Variants in RSPH3 observed in about 807,000 individuals in gnomAD.
The protein encoded by RSPH3 is radial spoke head 3.
RSPH3 carries 21 observed loss-of-function variants against 43.8 expected under a neutral mutation model. The ratio of observed to expected loss-of-function variants is 0.48; its 90% CI spans 0.34 to 0.69. The LOEUF (loss-of-function observed/expected upper bound fraction) is 0.69, where lower values mean the gene tolerates loss of function less well. RSPH3 is among the 30% of genes least tolerant of loss of function. RSPH3 has a pLI of 0.01. For missense variants in RSPH3, 487 were observed against 516.0 expected (o/e 0.94, Z 0.54); for synonymous variants, 173 against 179.8 (o/e 0.96, Z 0.30).
chr6:158,984,940 G>C lies in RSPH3; in HGVS notation c.347-1133C>G, dbSNP rs570733202. ...CAGCCATACACTCATTCTAGACTTG[G>C]CCTAAAGGCAGGGGTTAAAGCATGG... is the stretch of plus-strand genomic sequence containing the variant. On this transcript the variant is annotated intron_variant, in intron 3 of 7. Coordinates refer to ENST00000367069, the MANE Select transcript of RSPH3 (RefSeq NM_031924.8). 1.5e-4 allele frequency among the ~76,000 whole-genome samples: 23 copies of C among 152,248 alleles called. No homozygotes were observed. The East Asian group carries it at 4.4e-3, about 29-fold the overall frequency.
intron 6 of RSPH3, among the ~76,000 whole-genome samples, chr6:158,979,919 T>A (rs1194269334): frequency 6.6e-6 from 1 of 152,192 alleles, no homozygotes; most frequent in Non-Finnish European, 1.5e-5. Context: ...ATGGGCTCCC[T>A]AGTGGCAGAG....
chr6:158,980,995 T>C, intron 5 of RSPH3, 59 bp from the exon 6 acceptor site: 1 of 1,529,218 alleles, frequency 6.5e-7, no homozygotes, highest in Non-Finnish European at 9.0e-7. Flanking sequence ...GTGCTGAATC[T>C]AGTGAAGTTA....
At chr6:158,994,313 G>C (rs1315154425) in intron 1 of RSPH3, among the ~76,000 whole-genome samples, 1 of 152,100 alleles carries the variant, frequency 6.6e-6, no homozygotes, top group Non-Finnish European at 1.5e-5. Flanking sequence ...CTTCTTTAAA[G>C]TACTGAAAAA....
rs1778013838 is a variant in RSPH3 at position 158,980,936 on chromosome 6, C to T, written c.697G>A (p.Glu233Lys). ...TCCCACTGCTGTTTCTTACGCCGTT[C>T]CTGCCAAGAACGACAGAGGTGGTTA... ...EQERRHREEK[E>K]RRKKQQWEIM... is the part of the protein sequence containing the mutation. The change falls in exon 6 of 8, where the codon GAA becomes AAA. Residue 233 changes from glutamate to lysine, a missense_variant and splice_region_variant. Coordinates refer to ENST00000367069, the MANE Select transcript of RSPH3 (RefSeq NM_031924.8). The T allele has an allele frequency of 6.2e-7, 1 of 1,613,868 alleles. No homozygotes were observed. The highest frequency in any genetic ancestry group is 8.5e-7 in the Non-Finnish European group (1 of 1,179,836).
At position 158,973,178 on chromosome 6, in the gene RSPH3, A is replaced by G. The variant is rs186045091; in HGVS notation, c.*4360T>C. The G allele has an allele frequency of 2.6e-5, 4 of 152,344 alleles. 2 individuals are homozygous for G. Among genetic ancestry groups the G allele is most frequent in the Admixed American group, 2.6e-4 (4 of 15,304 alleles). The allele number at this position is 152,344 out of a possible 1,614,324, so 9.4% of individuals were successfully genotyped here. Reference sequence around the variant, plus strand: ...TTATGCTAAATAAATTAAATGAAGTAAACAGCCATGGCTATTGAACTACAG... The same window carrying G: ...TTATGCTAAATAAATTAAATGAAGTGAACAGCCATGGCTATTGAACTACAG... On this transcript the variant is annotated 3_prime_UTR_variant, in exon 8 of 8. Transcript: ENST00000367069.
At position 158,993,853 on chromosome 6, in the gene RSPH3, G is replaced by T; in HGVS notation, c.190C>A (p.Gln64Lys). ...ACTGAACTTACCAGTGGCCCTGTCT[G>T]GAGTGCATAAGTGTTACCTCGAATT... ...RVIRGNTYAL[Q>K]TGPLLGRPDS... is the part of the protein sequence containing the mutation. The change falls in exon 2 of 8, where the codon CAG becomes AAG. Residue 64 changes from glutamine (Q) to lysine (K), a missense_variant. Physicochemically the swap from Gln to Lys is moderately conservative, Grantham distance 53. Transcript: ENST00000367069. 1 of 1,600,552 alleles carries T rather than the reference G, an allele frequency of 6.2e-7. No homozygotes were observed. Among genetic ancestry groups the T allele is most frequent in the Non-Finnish European group, 8.6e-7 (1 of 1,167,978 alleles).
intron 1 of RSPH3, among the ~76,000 whole-genome samples, chr6:158,999,218 TC>T (rs1355948080): frequency 0.018 from 2,693 of 152,308 alleles, 34 homozygotes; most frequent in Middle Eastern, 0.024. Context: ...CGGCAGCAAC[TC>T]ATATCACTAA....
At chr6:158,993,498 T>C (rs1347610539) in intron 2 of RSPH3, among the ~76,000 whole-genome samples, 2 of 151,240 alleles carry the variant, frequency 1.3e-5, no homozygotes, top group Non-Finnish European at 2.9e-5. Flanking sequence ...ATTTATCACC[T>C]TAACCATTTT....
At chr6:158,999,332 G>C in intron 1 of RSPH3, 103 bp downstream of exon 1, 1 of 1,077,110 alleles carries the variant, frequency 9.3e-7, no homozygotes, top group Non-Finnish European at 1.3e-6. Context: ...GCAGCCAAGG[G>C]AAGACAGCAT....
intron 2 of RSPH3, chr6:158,990,692 G>A (rs142844194): frequency 2.2e-4 from 33 of 151,446 alleles, no homozygotes; most frequent in Admixed American, 5.9e-4. Context: ...GATTTGTCTC[G>A]GGTAGATTTC....
chr6:158,963,032 G>A, the RSPH3 span, among the ~76,000 whole-genome samples: 1 of 152,150 alleles, frequency 6.6e-6, no homozygotes, highest in African/African-American at 2.4e-5. Flanking sequence ...AATTAGGAAA[G>A]CTTCAATGAC....
intron 3 of RSPH3, among the ~76,000 whole-genome samples, chr6:158,984,388 G>A (rs897018072): frequency 2.0e-4 from 28 of 138,794 alleles, no homozygotes; most frequent in African/African-American, 6.8e-4. Flanking sequence ...ACATGAGACC[G>A]TAGATGTGTA....
At chr6:158,969,622 C>T (rs995131206), downstream of RSPH3, among the ~76,000 whole-genome samples, 7 of 152,218 alleles carry the variant, frequency 4.6e-5, no homozygotes, top group Non-Finnish European at 8.8e-5. Context: ...TCTCTCCTCT[C>T]CTTCTGGGGA....
Position 158,972,972 on chromosome 6 carries a change from A to T in RSPH3, c.*4566T>A, listed in dbSNP as rs1403390298. On this transcript the variant is annotated 3_prime_UTR_variant, in exon 8 of 8. Coordinates refer to ENST00000367069, the MANE Select transcript of RSPH3 (RefSeq NM_031924.8). ...GAATCATAGGTACCAATTCAACACC[A>T]TTAGCACTACTTTCACAATAGTGAC... 1 of 152,222 alleles carries T rather than the reference A, an allele frequency of 6.6e-6. No homozygotes were observed. The highest frequency in any genetic ancestry group is 1.5e-5 in the Non-Finnish European group (1 of 68,034). The allele number at this position is 152,222 out of a possible 1,614,324, so 9.4% of individuals were successfully genotyped here. A position where few individuals can be genotyped will look rare whatever the true frequency, so the allele number is the denominator to read the frequency against.
rs774581216 is a variant in RSPH3 at position 158,999,814 on chromosome 6, G to A, written c.-264C>T. On this transcript the variant is annotated 5_prime_UTR_variant, in exon 1 of 8. Coordinates refer to ENST00000367069, the MANE Select transcript of RSPH3 (RefSeq NM_031924.8). ...CAGCAACCCAGGGTTCTGTCTGGGG[G>A]CGGGAACTCCGGGCAGTTCCGGTCC... The A allele has an allele frequency of 1.2e-6, 2 of 1,613,774 alleles. No individual in the cohort carries two copies. Among genetic ancestry groups the A allele is most frequent in the South Asian group, 1.1e-5 (1 of 91,034 alleles).
chr6:158,996,547 G>C (rs932052199), intron 1 of RSPH3, among the ~76,000 whole-genome samples: 3 of 152,094 alleles, frequency 2.0e-5, no homozygotes, highest in Non-Finnish European at 2.9e-5. Flanking sequence ...TTCCAATTAA[G>C]TTTCATTTTT....
intron 2 of RSPH3, 127 bp from the exon 3 acceptor site, chr6:158,986,548 A>G: frequency 1.4e-6 from 1 of 705,952 alleles, no homozygotes. Context: ...GATTATCAGT[A>G]ACTTCATTAA....
Position 158,986,273 on chromosome 6 carries a change from C to A in RSPH3, c.346+7G>T. On this transcript the variant is annotated splice_region_variant and intron_variant, in intron 3 of 7. Transcript: ENST00000367069. ...GAGGACACAATGCCAAGGGCACAGT[C>A]ACACACCTGTTTGCACATCGACATG... 1 of 1,612,862 alleles carries A rather than the reference C, an allele frequency of 6.2e-7. No individual in the cohort carries two copies. The highest frequency in any genetic ancestry group is 1.1e-5 in the South Asian group (1 of 90,856).
chr6:159,000,098 G>T lies in RSPH3; in HGVS notation c.-548C>A. 9.3e-7 allele frequency: 1 copy of T among 1,070,186 alleles called. No individual in the cohort carries two copies. The highest frequency in any genetic ancestry group is 1.3e-6 in the Non-Finnish European group (1 of 768,070). The allele number at this position is 1,070,186 out of a possible 1,614,324, so 66.3% of individuals were successfully genotyped here. On this transcript the variant is annotated 5_prime_UTR_variant, in exon 1 of 8. Coordinates refer to ENST00000367069, the MANE Select transcript of RSPH3 (RefSeq NM_031924.8). ...GCTCCTGCTCTTCCAGGGTGTCCTC[G>T]GCTGTTTCTCCTGCCGCGGCGCAGC...
Sources: gnomAD v4.1 joint callset for allele counts (sites outside exome capture counted in the v4.1 genomes callset) on GRCh38, gnomAD v4.1.1 for gene constraint, MANE v1.5 for transcripts, NCBI Gene and HGNC (gene_info 2026-07-23, HGNC 2026-07-21) for gene names.